NID1: variants seen among roughly 807,000 people sequenced by gnomAD.
NID1 encodes the protein nidogen 1.
Under a neutral mutation model 130.6 loss-of-function variants are expected in NID1, and 76 were observed. The ratio of observed to expected loss-of-function variants is 0.58; its 90% CI spans 0.48 to 0.70. The LOEUF is 0.70. NID1 is among the 30% of genes least tolerant of loss of function. NID1 has a pLI of 0.00. For synonymous variants in NID1, 665 were observed against 675.1 expected (o/e 0.98, Z 0.23); for missense variants, 1,517 against 1,664.8 (o/e 0.91, Z 1.54).
In NID1 at chr1:236,045,069, C is replaced by G. The variant is rs1408154928; in HGVS notation, c.752+388G>C. ...CAAGAATTAGCTGGGCATGGTGGCA[C>G]ACACCTGTAATCCCAGCTACTTGGG... On this transcript the variant is annotated intron_variant, in intron 3 of 19. Transcript: ENST00000264187. Among the ~76,000 whole-genome samples, 11 of 152,040 alleles carry G rather than the reference C, an allele frequency of 7.2e-5. No individual in the cohort carries two copies. The East Asian group carries it at 1.4e-3, about 19-fold the overall frequency.
chr1:235,992,396 C>G (rs934412380), intron 13 of NID1, among the ~76,000 whole-genome samples: 12 of 152,194 alleles, frequency 7.9e-5, no homozygotes, highest in Non-Finnish European at 1.5e-4. Flanking sequence ...TCAGCTTCTA[C>G]CCCCACAGCC....
chr1:236,048,805 C>T lies in NID1; in HGVS notation c.410G>A (p.Cys137Tyr), dbSNP rs760114304. The T allele has an allele frequency of 1.2e-6, 2 of 1,614,162 alleles. No individual in the cohort carries two copies. The highest frequency in any genetic ancestry group is 2.7e-5 in the African/African-American group (2 of 75,042). ...SPSITQRAAE[C>Y]VHRGFPEISF... ...GATCTCCGGGAACCCTCTGTGGACA[C>T]ACTCTGCTGCTCGCTGAGTGATGGA... Residue 137 changes from cysteine (C) to tyrosine (Y), a missense_variant, in exon 2 of 20, where the codon TGT becomes TAT. By Grantham distance (194) the Cys-to-Tyr change is radical. Around this residue, in one of 3 missense-constraint regions of NID1, gnomAD observed 1,329 missense variants for 1,429.2 expected, o/e 0.93. Coordinates refer to ENST00000264187, the MANE Select transcript of NID1 (RefSeq NM_002508.3).
At chr1:236,024,604 C>G (rs973915115) in intron 8 of NID1, among the ~76,000 whole-genome samples, 1 of 152,180 alleles carries the variant, frequency 6.6e-6, no homozygotes, top group Admixed American at 6.5e-5. Context: ...AGGGAGAATG[C>G]CTGCCTTCTT....
Position 235,979,106 on chromosome 1 carries a change from T to C in NID1, c.3511A>G (p.Asn1171Asp), listed in dbSNP as rs140779257. ...KNLYFTDWKM[N>D]SVVALDLAIS... is the part of the protein sequence containing the mutation. ...GCAAGATCGAGAGCAACCACGGAAT[T>C]CCTACAAAGCACCAAAGGGCAGAAG... The change falls in exon 19 of 20, where the codon AAT becomes GAT. Residue 1171 changes from asparagine (N) to aspartate (D), a missense_variant and splice_region_variant. Transcript: ENST00000264187. The surrounding 1 kb of genome is among the most constrained non-coding windows in gnomAD (Gnocchi z 4.6). 1.2e-5 allele frequency: 20 copies of C among 1,607,502 alleles called. No homozygotes were observed. The African/African-American group carries it at 2.5e-4, about 20-fold the overall frequency.
chr1:236,018,993 C>T (rs914357081), intron 9 of NID1, among the ~76,000 whole-genome samples: 1 of 152,226 alleles, frequency 6.6e-6, no homozygotes, highest in African/African-American at 2.4e-5. Context: ...ATCACATCAG[C>T]CTCATAGTTT....
At chr1:236,042,342 G>A in intron 3 of NID1, 50 bp from the exon 4 acceptor site, 2 of 1,557,302 alleles carry the variant, frequency 1.3e-6, no homozygotes, top group Non-Finnish European at 1.7e-6. Context: ...CCCACCAACA[G>A]CCACCACTAC....
chr1:236,024,910 C>T (rs1658876145), intron 8 of NID1, among the ~76,000 whole-genome samples: 1 of 152,074 alleles, frequency 6.6e-6, no homozygotes, highest in Admixed American at 6.6e-5. Flanking sequence ...GGCTCCCTCC[C>T]TAATTTTATT....
chr1:235,976,466 C>T lies in NID1; in HGVS notation c.*1401G>A, dbSNP rs367811619. 1.2e-4 allele frequency: 19 copies of T among 152,024 alleles called. No homozygotes were observed. The highest frequency in any genetic ancestry group is 4.6e-4 in the African/African-American group (19 of 41,382). The allele number at this position is 152,024 out of a possible 1,614,324, so 9.4% of individuals were successfully genotyped here. ...CACTTCCTCTTGGGCTTTTTTATTT[C>T]TCTTGTTGATCAATCTCTTTTTTGT... On this transcript the variant is annotated 3_prime_UTR_variant, in exon 20 of 20. Transcript: ENST00000264187.
chr1:236,056,896 A>T (rs1246078354), intron 1 of NID1, among the ~76,000 whole-genome samples: 1 of 150,628 alleles, frequency 6.6e-6, no homozygotes, highest in Non-Finnish European at 1.5e-5. Context: ...TCCAGGAAAA[A>T]AAAAAACAAA....
At chr1:236,030,655 A>AT (rs1462352072) in intron 6 of NID1, among the ~76,000 whole-genome samples, 1 of 152,246 alleles carries the variant, frequency 6.6e-6, no homozygotes, top group East Asian at 1.9e-4. Flanking sequence ...GCCTAAAATA[A>AT]TTAGGCATAG....
At chr1:235,981,377 G>A (rs1466862305) in intron 16 of NID1, among the ~76,000 whole-genome samples, 1 of 152,184 alleles carries the variant, frequency 6.6e-6, no homozygotes, top group East Asian at 1.9e-4. Context: ...ATGCCAACTT[G>A]TAAAGTCTCC....
chr1:236,055,868 C>T (rs990746706), intron 1 of NID1, among the ~76,000 whole-genome samples: 14 of 151,922 alleles, frequency 9.2e-5, no homozygotes, highest in South Asian at 6.2e-4. Flanking sequence ...GGGTGTACAA[C>T]GCGATTTGAT....
At position 236,008,667 on chromosome 1, in the gene NID1, AT is replaced by A. The variant is rs756227226; in HGVS notation, c.2527+3253del. On this transcript the variant is annotated intron_variant, in intron 12 of 19. Transcript: ENST00000264187. ...AGGCATGCACCACCACGCCCAGCTA[AT>A]TTTTTTTTTTTTTTTGAGACGGGAT... is the stretch of plus-strand genomic sequence containing the variant. 8.6e-3 allele frequency among the ~76,000 whole-genome samples: 1,188 copies of A among 138,496 alleles called. 9 individuals are homozygous for A. Among genetic ancestry groups the A allele is most frequent in the African/African-American group, 0.022 (835 of 37,796 alleles). 90.9% of individuals were successfully genotyped at this position (138,496 alleles called of 152,430 possible). A position where few individuals can be genotyped will look rare whatever the true frequency, so the allele number is the denominator to read the frequency against.
chr1:235,989,721 A>G (rs1657674850), intron 14 of NID1, among the ~76,000 whole-genome samples: 1 of 152,262 alleles, frequency 6.6e-6, no homozygotes, highest in African/African-American at 2.4e-5. Flanking sequence ...CTGTCTGGAC[A>G]GGGGGATCAG....
At chr1:236,001,478 A>G (rs1658075497) in intron 12 of NID1, among the ~76,000 whole-genome samples, 1 of 152,186 alleles carries the variant, frequency 6.6e-6, no homozygotes, top group Non-Finnish European at 1.5e-5. Flanking sequence ...TCCAAGCAAG[A>G]CTGCCAAATT....
intron 14 of NID1, among the ~76,000 whole-genome samples, chr1:235,988,596 T>C (rs991567736): frequency 7.2e-5 from 11 of 152,186 alleles, no homozygotes; most frequent in African/African-American, 2.7e-4. Context: ...CATAGCAGCA[T>C]TATTTGCAAA....
chr1:236,039,363 G>A (rs755786799), intron 4 of NID1, among the ~76,000 whole-genome samples: 11 of 151,406 alleles, frequency 7.3e-5, no homozygotes, highest in South Asian at 2.1e-4. Context: ...GCAGGCGGGT[G>A]CCATTGTGCC....
At chr1:236,001,167 G>A (rs1236817277) in intron 12 of NID1, among the ~76,000 whole-genome samples, 1 of 150,210 alleles carries the variant, frequency 6.7e-6, no homozygotes, top group African/African-American at 2.5e-5. Flanking sequence ...GTGAAGTGGT[G>A]CAATCTCAGC....
intron 1 of NID1, chr1:236,060,623 C>T (rs1660012455): frequency 6.6e-6 from 1 of 152,202 alleles, no homozygotes; most frequent in African/African-American, 2.4e-5. Context: ...TTACCCCTCT[C>T]TTCTGCAGAA....
Sources: allele counts gnomAD v4.1 joint callset (sites outside exome capture counted in the v4.1 genomes callset), GRCh38; gene constraint gnomAD v4.1.1; regional missense constraint gnomAD v4.1.1; non-coding constraint Gnocchi (gnomAD v3.1); transcripts MANE v1.5; gene names NCBI Gene and HGNC (gene_info 2026-07-23, HGNC 2026-07-21).